DNM3: variants seen among roughly 807,000 people sequenced by gnomAD.
DNM3 encodes the protein dynamin-3.
Under a neutral mutation model 101.6 loss-of-function variants are expected in DNM3, and 47 were observed. The observed-to-expected ratio is 0.46, with a 90% CI of 0.37 to 0.59. The LOEUF (loss-of-function observed/expected upper bound fraction) is 0.59. Ranked by LOEUF, DNM3 falls within the 20% of genes least tolerant of loss-of-function variation. DNM3 has a pLI of 0.00. For synonymous variants in DNM3, 385 were observed against 387.9 expected (o/e 0.99, Z 0.09); for missense variants, 849 against 1,085.7 (o/e 0.78, Z 3.06).
At chr1:171,952,281 C>G (rs865894883) in intron 2 of DNM3, among the ~76,000 whole-genome samples, 9 of 152,288 alleles carry the variant, frequency 5.9e-5, no homozygotes, top group African/African-American at 2.2e-4. Flanking sequence ...GATGGCTTTG[C>G]AGGACCATGT....
intron 1 of DNM3, among the ~76,000 whole-genome samples, chr1:171,874,592 A>G (rs1323963934): frequency 6.6e-6 from 1 of 152,192 alleles, no homozygotes; most frequent in African/African-American, 2.4e-5. Flanking sequence ...TGGCAAATGC[A>G]CATGTATGAT....
intron 7 of DNM3, 24 bp downstream of exon 7, chr1:172,038,485 G>T: frequency 6.2e-7 from 1 of 1,604,412 alleles, no homozygotes; most frequent in South Asian, 1.1e-5. Flanking sequence ...CCCTTCCTTG[G>T]CTCAGCATTT....
chr1:172,029,907 G>A (rs1164017578), intron 4 of DNM3, among the ~76,000 whole-genome samples: 1 of 151,994 alleles, frequency 6.6e-6, no homozygotes, highest in Non-Finnish European at 1.5e-5. Context: ...AAATAAAAGA[G>A]GATACAAATA....
At chr1:172,310,707 A>T (rs2065043360) in intron 16 of DNM3, 1 of 152,336 alleles carries the variant, frequency 6.6e-6, no homozygotes, top group South Asian at 2.1e-4. Flanking sequence ...TGTCTGGAAC[A>T]CTGTGAGGGA....
intron 17 of DNM3, among the ~76,000 whole-genome samples, chr1:172,347,922 A>G (rs1463810032): frequency 6.6e-6 from 1 of 152,164 alleles, no homozygotes; most frequent in East Asian, 1.9e-4. Flanking sequence ...ATTCAATGGT[A>G]TGCATGAATT....
intron 2 of DNM3, among the ~76,000 whole-genome samples, chr1:171,963,595 G>C (rs2043359546): frequency 6.6e-6 from 1 of 151,972 alleles, no homozygotes; most frequent in Non-Finnish European, 1.5e-5. Context: ...GTTGATATTG[G>C]GGTAATGCAT....
At chr1:172,241,170 C>T (rs779892778) in intron 14 of DNM3, among the ~76,000 whole-genome samples, 1 of 151,846 alleles carries the variant, frequency 6.6e-6, no homozygotes, top group Non-Finnish European at 1.5e-5. Flanking sequence ...CTCTCTCACT[C>T]ACACCTTGAA....
chr1:172,152,037 C>G (rs1572737938), intron 14 of DNM3, among the ~76,000 whole-genome samples: 1 of 152,062 alleles, frequency 6.6e-6, no homozygotes, highest in East Asian at 1.9e-4. Flanking sequence ...ACCACCATGC[C>G]TGGCTAATCT....
intron 14 of DNM3, among the ~76,000 whole-genome samples, chr1:172,165,330 A>G (rs2058707493): frequency 6.6e-6 from 1 of 152,122 alleles, no homozygotes; most frequent in South Asian, 2.1e-4. Flanking sequence ...TGAGAGTAAC[A>G]GAGTAAAGAT....
chr1:172,241,150 C>G (rs557353795), intron 14 of DNM3, among the ~76,000 whole-genome samples: 8 of 151,844 alleles, frequency 5.3e-5, no homozygotes, highest in African/African-American at 1.9e-4. Context: ...CAAAGTTGCT[C>G]AAATGCCATC....
chr1:171,989,055 A>G lies in DNM3; in HGVS notation c.496A>G (p.Arg166Gly), dbSNP rs2045466320. The G allele has an allele frequency of 1.2e-6, 2 of 1,612,976 alleles. No individual in the cohort carries two copies. Among genetic ancestry groups the G allele is most frequent in the South Asian group, 2.2e-5 (2 of 90,862 alleles). The change falls in exon 4 of 21, where the codon AGG becomes GGG. Residue 166 changes from arginine (R) to glycine (G), a missense_variant. Physicochemically the swap from Arg to Gly is moderately radical, Grantham distance 125. Transcript: ENST00000627582. ...IREMIMQFIT[R>G]ENCLILAVTP... ...AGAAATGATTATGCAGTTCATCACG[A>G]GGGAGAACTGTCTGATTTTAGCTGT...
chr1:172,371,850 TTTTA>T (rs1558055751), intron 17 of DNM3, among the ~76,000 whole-genome samples: 21 of 149,792 alleles, frequency 1.4e-4, no homozygotes, highest in African/African-American at 5.1e-4. Flanking sequence ...TTATTTTTAT[TTTTA>T]TTTATTTTTA....
intron 2 of DNM3, among the ~76,000 whole-genome samples, chr1:171,947,916 A>G (rs1344497176): frequency 6.6e-6 from 1 of 152,192 alleles, no homozygotes; most frequent in Non-Finnish European, 1.5e-5. Flanking sequence ...AATCTCTACT[A>G]GTGGAGTTTT....
Position 171,883,213 on chromosome 1 carries a change from A to G in DNM3, c.162-38535A>G, listed in dbSNP as rs531263579. Among the ~76,000 whole-genome samples, 8 of 151,848 alleles carry G rather than the reference A, an allele frequency of 5.3e-5. No individual in the cohort carries two copies. In the East Asian group the frequency reaches 1.6e-3, roughly 30 times the overall value. The stretch of plus-strand genomic sequence containing the variant: ...TATTTAAATTGTTTCTATTTTTCTT[A>G]TTACAAAAACACTGTGACTGCATGC... On this transcript the variant is annotated intron_variant, in intron 1 of 20. Coordinates refer to ENST00000627582, the MANE Select transcript of DNM3 (RefSeq NM_015569.5).
intron 14 of DNM3, chr1:172,138,871 G>A (rs1206615501): frequency 6.3e-6 from 3 of 474,350 alleles, no homozygotes; most frequent in South Asian, 4.6e-5. Context: ...AGCAAGTGTA[G>A]ACAGGCAGAC....
chr1:172,367,600 C>CAATA (rs1168022851), intron 17 of DNM3, among the ~76,000 whole-genome samples: 1 of 151,768 alleles, frequency 6.6e-6, no homozygotes, highest in African/African-American at 2.4e-5. Context: ...ACAATAATAA[C>CAATA]CTTGAATATG....
chr1:172,334,776 G>A (rs1158135780), intron 17 of DNM3, among the ~76,000 whole-genome samples: 1 of 151,956 alleles, frequency 6.6e-6, no homozygotes, highest in African/African-American at 2.4e-5. Flanking sequence ...TCATACTTGG[G>A]CTTGCCTACT....
chr1:171,950,937 CCTCCTCCTCCTCCTT>C (rs1558315442), intron 2 of DNM3, among the ~76,000 whole-genome samples: 1 of 151,938 alleles, frequency 6.6e-6, no homozygotes, highest in African/African-American at 2.4e-5. Context: ...TCTTCCTCTT[CCTCCTCCTCCTCCTT>C]CTCCTCCTCT....
intron 20 of DNM3, among the ~76,000 whole-genome samples, chr1:172,391,354 A>C (rs2069518600): frequency 6.6e-6 from 1 of 152,130 alleles, no homozygotes; most frequent in Non-Finnish European, 1.5e-5. Context: ...AGGGGTGGTC[A>C]CCTGAGAGAG....
Sources: allele counts gnomAD v4.1 joint callset (sites outside exome capture counted in the v4.1 genomes callset), GRCh38; gene constraint gnomAD v4.1.1; transcripts MANE v1.5; gene names NCBI Gene and HGNC (gene_info 2026-07-23, HGNC 2026-07-21).